The following TMTC1 variants were observed in gnomAD, a reference collection of about 807,000 sequenced individuals.
TMTC1 encodes transmembrane O-mannosyltransferase targeting cadherins 1, also known as protein O-mannosyl-transferase TMTC1.
In TMTC1, 73 loss-of-function variants were observed where a neutral mutation model predicts 104.8. That is an observed-to-expected ratio of 0.70 (90% confidence interval 0.58 to 0.85). The LOEUF is 0.85. Ranked by LOEUF, TMTC1 falls within the 40% of genes least tolerant of loss-of-function variation. TMTC1 has a pLI of 0.00. For missense variants in TMTC1, 1,035 were observed against 1,096.1 expected (o/e 0.94, Z 0.79); for synonymous variants, 434 against 428.7 (o/e 1.01, Z -0.15).
chr12:29,764,542 C>G (rs1340591610), intron 2 of TMTC1, among the ~76,000 whole-genome samples: 2 of 152,138 alleles, frequency 1.3e-5, no homozygotes, highest in African/African-American at 4.8e-5. Flanking sequence ...TCTATATCTT[C>G]TGGAAAGTAC....
In TMTC1 at chr12:29,572,304, C is replaced by T. The variant is rs16934474; in HGVS notation, c.1419-86G>A. 124 of 1,157,600 alleles carry T rather than the reference C, an allele frequency of 1.1e-4. No individual in the cohort carries two copies. In the East Asian group the frequency reaches 3.1e-3, roughly 29 times the overall value. The allele number at this position is 1,157,600 out of a possible 1,614,324, so 71.7% of individuals were successfully genotyped here. ...TTATGTTTTACTCAGTTTCATGAAC[C>T]TGTATTTGAAATGTCCGTTGTATTC... On this transcript the variant is annotated intron_variant, in intron 8 of 17. Coordinates refer to ENST00000539277, the MANE Select transcript of TMTC1 (RefSeq NM_001193451.2).
chr12:29,724,015 G>A (rs1189316429), intron 5 of TMTC1, among the ~76,000 whole-genome samples: 2 of 152,122 alleles, frequency 1.3e-5, no homozygotes, highest in African/African-American at 4.8e-5. Flanking sequence ...GAGAAGACCA[G>A]AATATAGTGT....
At chr12:29,758,621 T>C in intron 3 of TMTC1, 83 bp downstream of exon 3, 1 of 1,323,822 alleles carries the variant, frequency 7.6e-7, no homozygotes, top group Admixed American at 1.8e-5. Context: ...ACCAGAAGCT[T>C]CTCTCCTCTC....
At chr12:29,681,253 G>C (rs1489472319) in intron 5 of TMTC1, among the ~76,000 whole-genome samples, 2 of 152,126 alleles carry the variant, frequency 1.3e-5, no homozygotes, top group Admixed American at 1.3e-4. Context: ...TAAAGAAAAT[G>C]AAAGAATCAA....
intron 11 of TMTC1, among the ~76,000 whole-genome samples, chr12:29,531,999 T>A (rs1944517433): frequency 6.6e-6 from 1 of 152,270 alleles, no homozygotes; most frequent in African/African-American, 2.4e-5. Flanking sequence ...AGTTAGTGAA[T>A]CACCATGAGC....
chr12:29,664,906 G>C (rs1392356330), intron 5 of TMTC1, among the ~76,000 whole-genome samples: 1 of 152,108 alleles, frequency 6.6e-6, no homozygotes, highest in Non-Finnish European at 1.5e-5. Context: ...AACAAAACCA[G>C]ACCACTGATG....
At chr12:29,608,738 G>A (rs774742744) in intron 6 of TMTC1, among the ~76,000 whole-genome samples, 28 of 152,102 alleles carry the variant, frequency 1.8e-4, no homozygotes, top group Non-Finnish European at 3.7e-4. Context: ...ACACCCAGAC[G>A]GGGGTGCTGA....
intron 5 of TMTC1, among the ~76,000 whole-genome samples, chr12:29,748,454 C>T (rs189542940): frequency 3.2e-4 from 49 of 152,332 alleles, no homozygotes; most frequent in African/African-American, 1.1e-3. Context: ...GCTTAGCCCT[C>T]GCTCTGGACT....
At chr12:29,510,665 T>A (rs994575226) in intron 17 of TMTC1, among the ~76,000 whole-genome samples, 40 of 152,192 alleles carry the variant, frequency 2.6e-4, no homozygotes, top group Admixed American at 2.3e-3. Flanking sequence ...CCAAGAGTGA[T>A]CAGTTTCCAC....
At chr12:29,570,890 C>CG (rs1945656243) in intron 9 of TMTC1, among the ~76,000 whole-genome samples, 1 of 148,590 alleles carries the variant, frequency 6.7e-6, no homozygotes, top group African/African-American at 2.5e-5. Context: ...CACCCCCCCC[C>CG]CCCGCCAAAA....
Position 29,515,455 on chromosome 12 carries a change from T to C in TMTC1, c.2308-851A>G, listed in dbSNP as rs542482855. On this transcript the variant is annotated intron_variant, in intron 15 of 17. Transcript: ENST00000539277. ...GGTGCTCCTGCTCCCTCACTCCCAT[T>C]CCTCAGAGAGGCCCCTCACTGCTGC... 5.3e-5 allele frequency among the ~76,000 whole-genome samples: 8 copies of C among 152,310 alleles called. No individual in the cohort carries two copies. In the South Asian group the frequency reaches 1.7e-3, roughly 32 times the overall value.
At chr12:29,684,585 T>G (rs968868145) in intron 5 of TMTC1, among the ~76,000 whole-genome samples, 13 of 152,208 alleles carry the variant, frequency 8.5e-5, no homozygotes, top group African/African-American at 3.1e-4. Flanking sequence ...AGCTTTTTAT[T>G]TCTTTTTATT....
intron 7 of TMTC1, among the ~76,000 whole-genome samples, chr12:29,599,289 A>G (rs1946491128): frequency 6.6e-6 from 1 of 152,230 alleles, no homozygotes; most frequent in African/African-American, 2.4e-5. Context: ...TTTCAGCCCC[A>G]AACTCTCTTG....
intron 9 of TMTC1, among the ~76,000 whole-genome samples, chr12:29,567,833 C>T (rs755849509): frequency 1.3e-5 from 2 of 152,048 alleles, no homozygotes; most frequent in Non-Finnish European, 2.9e-5. Flanking sequence ...TCTGTTTGAA[C>T]GTGACAGAAA....
intron 5 of TMTC1, among the ~76,000 whole-genome samples, chr12:29,708,260 C>T (rs1357482611): frequency 6.6e-6 from 1 of 152,158 alleles, no homozygotes; most frequent in Non-Finnish European, 1.5e-5. Flanking sequence ...GGTACTGTGC[C>T]TGGCACAAGA....
intron 5 of TMTC1, among the ~76,000 whole-genome samples, chr12:29,676,334 T>G (rs147346164): frequency 6.6e-6 from 1 of 152,340 alleles, no homozygotes; most frequent in African/African-American, 2.4e-5. Flanking sequence ...GACTATAAGA[T>G]TATCCAAAAT....
chr12:29,657,675 A>G (rs1205117444), intron 5 of TMTC1, among the ~76,000 whole-genome samples: 1 of 152,174 alleles, frequency 6.6e-6, no homozygotes, highest in Non-Finnish European at 1.5e-5. Context: ...TTTAAATGGG[A>G]AATAAAGACA....
At chr12:29,674,766 T>G (rs1374795577) in intron 5 of TMTC1, among the ~76,000 whole-genome samples, 3 of 152,180 alleles carry the variant, frequency 2.0e-5, no homozygotes, top group African/African-American at 7.2e-5. Flanking sequence ...TTTCCTAATT[T>G]ACTCAAAAGA....
At chr12:29,743,337 T>C (rs1007952466) in intron 5 of TMTC1, among the ~76,000 whole-genome samples, 1 of 152,174 alleles carries the variant, frequency 6.6e-6, no homozygotes, top group Non-Finnish European at 1.5e-5. Context: ...CCTGTAAAAT[T>C]TGAGGCATGG....
Sources: gnomAD v4.1 joint callset for allele counts (sites outside exome capture counted in the v4.1 genomes callset) on GRCh38, gnomAD v4.1.1 for gene constraint, MANE v1.5 for transcripts, NCBI Gene and HGNC (gene_info 2026-07-23, HGNC 2026-07-21) for gene names.